BPTF: variants seen among roughly 807,000 people sequenced by gnomAD.
BPTF encodes bromodomain PHD finger transcription factor, also known as nucleosome-remodeling factor subunit BPTF.
A neutral mutation model predicts 292.5 loss-of-function variants in BPTF; 18 were observed. That is an observed-to-expected ratio of 0.06 (90% confidence interval 0.04 to 0.09). BPTF has a LOEUF of 0.09. BPTF is among the 10% of genes least tolerant of loss of function. The pLI is 1.00. For synonymous variants in BPTF, 1,225 were observed against 1,251.9 expected (o/e 0.98, Z 0.45); for missense variants, 2,726 against 3,498.7 (o/e 0.78, Z 5.57).
chr17:67,826,457 CAG>C (rs3833111), intron 1 of BPTF, 120 bp downstream of exon 1: 232,585 of 1,100,934 alleles, frequency 0.21, 30,004 homozygotes, highest in East Asian at 0.68. Context: ...CCCCCCCAAA[CAG>C]AGGGGAAATG....
At chr17:67,966,250 C>T (rs1856890450) in intron 25 of BPTF, 2 of 245,512 alleles carry the variant, frequency 8.1e-6, no homozygotes, top group Non-Finnish European at 1.6e-5. Flanking sequence ...TGAACCCATC[C>T]CACCTGTTGA....
chr17:67,912,376 C>G lies in BPTF; in HGVS notation c.4492C>G (p.Arg1498Gly). 1 of 1,613,970 alleles carries G rather than the reference C, an allele frequency of 6.2e-7. No individual in the cohort carries two copies. Among genetic ancestry groups the G allele is most frequent in the Non-Finnish European group, 8.5e-7 (1 of 1,179,978 alleles). Residue 1498 changes from arginine to glycine, a missense_variant, in exon 11 of 28, where the codon CGA (arginine) becomes GGA (glycine). Arg to Gly is a moderately radical substitution (Grantham distance 125). Around this residue, in one of 22 missense-constraint regions of BPTF, gnomAD observed 713 missense variants for 714.9 expected, o/e 1.00. Transcript: ENST00000306378. ...LSSSDAEGNY[R>G]DSLETLPSTK... ...TTCTTCAGATGCTGAAGGTAACTAC[C>G]GAGATAGCCTTGAGACCCTGCCATC... is the stretch of plus-strand genomic sequence containing the variant.
chr17:67,954,437 C>T (rs558165893), intron 23 of BPTF, among the ~76,000 whole-genome samples: 1 of 152,194 alleles, frequency 6.6e-6, no homozygotes, highest in South Asian at 2.1e-4. Context: ...TCTCCCAAAG[C>T]CCAGTGGAGC....
At chr17:67,933,780 C>CTACAAATG (rs1167512685) in intron 18 of BPTF, among the ~76,000 whole-genome samples, 4 of 152,088 alleles carry the variant, frequency 2.6e-5, no homozygotes, top group African/African-American at 9.7e-5. Flanking sequence ...AGGCTTAACC[C>CTACAAATG]AGGCGCAGTG....
chr17:67,918,892 G>T, intron 12 of BPTF, 54 bp downstream of exon 12: 1 of 1,583,678 alleles, frequency 6.3e-7, no homozygotes, highest in South Asian at 1.1e-5. Flanking sequence ...AAAATCACAG[G>T]CCAGGCGTGG....
At chr17:67,841,871 G>A (rs1484797494) in intron 1 of BPTF, among the ~76,000 whole-genome samples, 1 of 151,770 alleles carries the variant, frequency 6.6e-6, no homozygotes, top group African/African-American at 2.4e-5. Flanking sequence ...TTTTTGAGGG[G>A]TTTCTTCTGT....
At chr17:67,831,234 T>C (rs2056643504) in intron 1 of BPTF, among the ~76,000 whole-genome samples, 1 of 152,156 alleles carries the variant, frequency 6.6e-6, no homozygotes, top group Admixed American at 6.5e-5. Flanking sequence ...CACATAGATG[T>C]GTAGAGAGAG....
Position 67,871,643 on chromosome 17 carries a change from A to G in BPTF, c.1661-3174A>G, listed in dbSNP as rs534716781. ...TTTTTTCTGAGTAGAGATGGCTTCT[A>G]AAACCTGGTAGGTTAATTCTTTGTT... On this transcript the variant is annotated intron_variant, in intron 3 of 27. Transcript: ENST00000306378. Among the ~76,000 whole-genome samples the G allele has an allele frequency of 2.9e-3, 439 of 152,298 alleles. 4 individuals are homozygous for G. The highest frequency in any genetic ancestry group is 4.7e-3 in the Admixed American group (72 of 15,294).
chr17:67,901,034 G>GAA (rs1305899255), intron 7 of BPTF, among the ~76,000 whole-genome samples: 6 of 150,980 alleles, frequency 4.0e-5, no homozygotes, highest in Middle Eastern at 3.4e-3. Context: ...AAAAAGAAAA[G>GAA]AAAAAAAAGT....
chr17:67,904,168 A>G (rs1489400134), intron 8 of BPTF, among the ~76,000 whole-genome samples: 2 of 152,178 alleles, frequency 1.3e-5, no homozygotes, highest in African/African-American at 4.8e-5. Flanking sequence ...AGCTGGGATT[A>G]TAGGCGTGCA....
At chr17:67,857,754 A>G (rs905419833) in intron 2 of BPTF, among the ~76,000 whole-genome samples, 2 of 149,904 alleles carry the variant, frequency 1.3e-5, no homozygotes, top group African/African-American at 2.5e-5. Context: ...GGCGTGAGCC[A>G]CTGCGTCTAG....
chr17:67,874,730 G>A (rs2059949925), intron 3 of BPTF, 87 bp from the exon 4 acceptor site: 1 of 832,540 alleles, frequency 1.2e-6, no homozygotes, highest in Admixed American at 2.5e-5. Context: ...TTAATAGCTT[G>A]TATTGAAACT....
intron 3 of BPTF, among the ~76,000 whole-genome samples, chr17:67,871,710 G>T (rs188865978): frequency 6.6e-6 from 1 of 152,094 alleles, no homozygotes; most frequent in Non-Finnish European, 1.5e-5. Context: ...TATACTTGTT[G>T]ATAGAATATG....
intron 18 of BPTF, among the ~76,000 whole-genome samples, chr17:67,937,890 G>A (rs550942877): frequency 7.9e-5 from 12 of 152,298 alleles, no homozygotes; most frequent in Non-Finnish European, 1.2e-4. Context: ...CAAGGCGGGC[G>A]GATCACCTGT....
intron 23 of BPTF, among the ~76,000 whole-genome samples, chr17:67,952,842 C>T (rs1370364406): frequency 1.3e-5 from 2 of 152,156 alleles, no homozygotes; most frequent in African/African-American, 2.4e-5. Context: ...CCGTGTGCCA[C>T]CTTCTTGTTC....
intron 1 of BPTF, among the ~76,000 whole-genome samples, chr17:67,828,635 TCTC>T (rs2056346648): frequency 6.6e-6 from 1 of 152,188 alleles, no homozygotes. Context: ...TTCAAGCAAT[TCTC>T]CTGCCTCAGC....
chr17:67,893,789 T>C, intron 6 of BPTF, 64 bp downstream of exon 6: 2 of 1,367,924 alleles, frequency 1.5e-6, no homozygotes, highest in Non-Finnish European at 2.0e-6. Flanking sequence ...ATGATTGTTG[T>C]AGTTGTGCAT....
intron 1 of BPTF, among the ~76,000 whole-genome samples, chr17:67,851,773 G>A (rs185462983): frequency 2.0e-5 from 3 of 152,152 alleles, no homozygotes; most frequent in African/African-American, 7.2e-5. Context: ...CCCAGTGGTG[G>A]TATACTGGTG....
At chr17:67,966,239 T>C in intron 25 of BPTF, 1 of 229,330 alleles carries the variant, frequency 4.4e-6, no homozygotes, top group South Asian at 5.8e-5. Context: ...ATTCCACACT[T>C]TGAACCCATC....
Sources: allele counts gnomAD v4.1 joint callset (sites outside exome capture counted in the v4.1 genomes callset), GRCh38; gene constraint gnomAD v4.1.1; regional missense constraint gnomAD v4.1.1; transcripts MANE v1.5; gene names NCBI Gene and HGNC (gene_info 2026-07-23, HGNC 2026-07-21).